The following CA12 variants were observed in gnomAD, a reference collection of about 807,000 sequenced individuals.
The protein encoded by CA12 is carbonic anhydrase 12, also known as carbonate dehydratase XII.
In CA12, 36 loss-of-function variants were observed where a neutral mutation model predicts 46.8. That is an observed-to-expected ratio of 0.77 (90% CI 0.59 to 1.02). The LOEUF (loss-of-function observed/expected upper bound fraction) is 1.02, where lower values mean the gene tolerates loss of function less well. CA12 is among the 50% of genes least tolerant of loss of function. The pLI is 0.00. For synonymous variants in CA12, 202 were observed against 187.0 expected (o/e 1.08, Z -0.65); for missense variants, 436 against 451.4 (o/e 0.97, Z 0.31).
chr15:63,330,108 G>A lies in CA12; in HGVS notation c.875-1978C>T, dbSNP rs2038917370. The stretch of plus-strand genomic sequence containing the variant: ...CCAGCTGCTCATGACCTCCCAAGTG[G>A]CAGAGTGGCTCCACTGGCCAGACTC... On this transcript the variant is annotated intron_variant, in intron 8 of 10. Coordinates refer to ENST00000178638, the MANE Select transcript of CA12 (RefSeq NM_001218.5). This position sits in a 1 kb window ranked among gnomAD's most constrained non-coding sequence, Gnocchi z 4.0. 6.6e-6 allele frequency among the ~76,000 whole-genome samples: 1 copy of A among 152,222 alleles called. No homozygotes were observed. The highest frequency in any genetic ancestry group is 1.5e-5 in the Non-Finnish European group (1 of 68,042).
At position 63,338,891 on chromosome 15, in the gene CA12, T is replaced by C. The variant is rs1396978219; in HGVS notation, c.802A>G (p.Arg268Gly). The C allele has an allele frequency of 2.5e-6, 4 of 1,614,104 alleles. No individual in the cohort carries two copies. The highest frequency in any genetic ancestry group is 3.3e-5 in the Admixed American group (2 of 60,022). The stretch of plus-strand genomic sequence containing the variant: ...TGCCGGAAGTTGTTGATCATTTCTC[T>C]GGGGGAAGGGTCGTCCATGTGTGTG... ...YCTHMDDPSP[R>G]EMINNFRQVQ... The change falls in exon 8 of 11, where the codon AGA (arginine) becomes GGA (glycine). Residue 268 changes from arginine to glycine, a missense_variant. Transcript: ENST00000178638.
At position 63,329,064 on chromosome 15, in the gene CA12, C is replaced by T. The variant is rs940247515; in HGVS notation, c.875-934G>A. On this transcript the variant is annotated intron_variant, in intron 8 of 10. Coordinates refer to ENST00000178638, the MANE Select transcript of CA12 (RefSeq NM_001218.5). The surrounding 1 kb of genome is among the most constrained non-coding windows in gnomAD (Gnocchi z 4.8). The stretch of plus-strand genomic sequence containing the variant: ...AGATGAAGAAAGGTAGGGATCAAAG[C>T]CTGCTTGGGCAGGCTCCTGTCCATG... Among the ~76,000 whole-genome samples the T allele has an allele frequency of 1.3e-5, 2 of 152,224 alleles. No individual in the cohort carries two copies. Among genetic ancestry groups the T allele is most frequent in the African/African-American group, 4.8e-5 (2 of 41,462 alleles).
chr15:63,369,267 C>A (rs1261487552), intron 2 of CA12, among the ~76,000 whole-genome samples: 3 of 152,194 alleles, frequency 2.0e-5, no homozygotes, highest in African/African-American at 7.2e-5. Flanking sequence ...AGAAGCAGAA[C>A]CCTTCCTAAC....
intron 4 of CA12, among the ~76,000 whole-genome samples, chr15:63,344,588 A>G (rs1040334382): frequency 4.6e-5 from 7 of 152,218 alleles, no homozygotes; most frequent in Non-Finnish European, 7.3e-5. Flanking sequence ...TATCCCTTCC[A>G]TGCTTGCAAG....
At chr15:63,368,900 C>G (rs1418518947) in intron 2 of CA12, among the ~76,000 whole-genome samples, 1 of 152,258 alleles carries the variant, frequency 6.6e-6, no homozygotes, top group Non-Finnish European at 1.5e-5. Context: ...GGCCTCCACT[C>G]CTGAACCCCA....
intron 2 of CA12, among the ~76,000 whole-genome samples, chr15:63,358,903 A>G (rs2039325683): frequency 6.6e-6 from 1 of 152,134 alleles, no homozygotes; most frequent in Admixed American, 6.5e-5. Flanking sequence ...CACTTCATGC[A>G]GCCCTTGACC....
intron 2 of CA12, among the ~76,000 whole-genome samples, chr15:63,369,986 A>G (rs1018152426): frequency 2.6e-5 from 4 of 152,190 alleles, no homozygotes; most frequent in Admixed American, 6.5e-5. Context: ...GCAATTCAGG[A>G]AAGATGAGAA....
In CA12 at chr15:63,341,879, G is replaced by C. The variant is rs576772145; in HGVS notation, c.525+123C>G. On this transcript the variant is annotated intron_variant, in intron 5 of 10. Coordinates refer to ENST00000178638, the MANE Select transcript of CA12 (RefSeq NM_001218.5). The surrounding 1 kb of genome is among the most constrained non-coding windows in gnomAD (Gnocchi z 5.2). The stretch of plus-strand genomic sequence containing the variant: ...CTACAGGAGGATACCCCCTGCTCTG[G>C]AGTTGACACGGAGTCGATACAGGAA... The C allele has an allele frequency of 1.4e-6, 1 of 734,192 alleles. No homozygotes were observed. Among genetic ancestry groups the C allele is most frequent in the East Asian group, 2.7e-5 (1 of 36,856 alleles). The allele number at this position is 734,192 out of a possible 1,614,324, so 45.5% of individuals were successfully genotyped here.
intron 1 of CA12, 133 bp from the exon 2 acceptor site, chr15:63,375,811 C>CTTTT: frequency 2.0e-6 from 1 of 508,348 alleles, no homozygotes; most frequent in African/African-American, 2.1e-5. Context: ...TTTTCTTTTT[C>CTTTT]TTTTTTTTTT....
In CA12 at chr15:63,372,352, G is replaced by C. The variant is rs1031042533; in HGVS notation, c.106+3306C>G. 4.6e-5 allele frequency among the ~76,000 whole-genome samples: 7 copies of C among 152,226 alleles called. No individual in the cohort carries two copies. Among genetic ancestry groups the C allele is most frequent in the Non-Finnish European group, 1.0e-4 (7 of 68,032 alleles). ...CAGCTGCTGTTTCAGCACCCTAGGA[G>C]GGGCTCAAAGAGGTGGCGCTGGCCC... On this transcript the variant is annotated intron_variant, in intron 2 of 10. Coordinates refer to ENST00000178638, the MANE Select transcript of CA12 (RefSeq NM_001218.5). The surrounding 1 kb of genome is among the most constrained non-coding windows in gnomAD (Gnocchi z 4.5).
intron 1 of CA12, among the ~76,000 whole-genome samples, chr15:63,379,806 A>G (rs2039621882): frequency 6.6e-6 from 1 of 152,216 alleles, no homozygotes; most frequent in Non-Finnish European, 1.5e-5. Context: ...TCTCCACACC[A>G]GGTTTGGGCA....
Position 63,339,402 on chromosome 15 carries a change from G to A in CA12, c.748-457C>T, listed in dbSNP as rs890159875. On this transcript the variant is annotated intron_variant, in intron 7 of 10. Transcript: ENST00000178638. This position sits in a 1 kb window ranked among gnomAD's most constrained non-coding sequence, Gnocchi z 4.3. The stretch of plus-strand genomic sequence containing the variant: ...AGAGTTTCACAGGCCATCTGATTGC[G>A]GGTTCCATGGCATTTTCATGCACCT... 6.6e-6 allele frequency among the ~76,000 whole-genome samples: 1 copy of A among 152,122 alleles called. No individual in the cohort carries two copies. Among genetic ancestry groups the A allele is most frequent in the Non-Finnish European group, 1.5e-5 (1 of 68,026 alleles).
At position 63,328,212 on chromosome 15, in the gene CA12, C is replaced by T. The variant is rs80236819; in HGVS notation, c.875-82G>A. The stretch of plus-strand genomic sequence containing the variant: ...GAGCAGCGTGTTGAGAGACGCTCTA[C>T]CATTTGTTTGGTCTTAGGCTGACAG... On this transcript the variant is annotated intron_variant, in intron 8 of 10. Transcript: ENST00000178638. This position sits in a 1 kb window ranked among gnomAD's most constrained non-coding sequence, Gnocchi z 5.9. 647 of 1,318,512 alleles carry T rather than the reference C, an allele frequency of 4.9e-4. 3 individuals carry two copies. The African/African-American group carries it at 8.4e-3, about 17-fold the overall frequency. 81.7% of individuals were successfully genotyped at this position (1,318,512 alleles called of 1,614,324 possible).
chr15:63,335,231 A>C (rs1404903037), intron 8 of CA12, among the ~76,000 whole-genome samples: 1 of 152,122 alleles, frequency 6.6e-6, no homozygotes, highest in Non-Finnish European at 1.5e-5. Flanking sequence ...TATCCTGCCT[A>C]AGTTGTCAGT....
chr15:63,339,067 C>T lies in CA12; in HGVS notation c.748-122G>A, dbSNP rs1345330438. 2.4e-5 allele frequency: 29 copies of T among 1,229,132 alleles called. No homozygotes were observed. Among genetic ancestry groups the T allele is most frequent in the East Asian group, 7.6e-5 (3 of 39,710 alleles). 76.1% of individuals were successfully genotyped at this position (1,229,132 alleles called of 1,614,324 possible). Reference sequence around the variant, plus strand: ...CCTCTGGAACCAGCTTCTGTGGGGCCGGGTGGGAGATATTAGAAAGCAGAG... The same window carrying T: ...CCTCTGGAACCAGCTTCTGTGGGGCTGGGTGGGAGATATTAGAAAGCAGAG... On this transcript the variant is annotated intron_variant, in intron 7 of 10. Coordinates refer to ENST00000178638, the MANE Select transcript of CA12 (RefSeq NM_001218.5). This position sits in a 1 kb window ranked among gnomAD's most constrained non-coding sequence, Gnocchi z 4.3.
In CA12 at chr15:63,328,464, T is replaced by TA. The variant is rs2038897069; in HGVS notation, c.875-335dup. On this transcript the variant is annotated intron_variant, in intron 8 of 10. Coordinates refer to ENST00000178638, the MANE Select transcript of CA12 (RefSeq NM_001218.5). The surrounding 1 kb of genome is among the most constrained non-coding windows in gnomAD (Gnocchi z 5.9). Reference sequence around the variant, plus strand: ...CAATTCTCTGCCTCAGTCTCCCAAGTAGCTGGGATTACAAGCACCTGCCAC... The same window carrying TA: ...CAATTCTCTGCCTCAGTCTCCCAAGTAAGCTGGGATTACAAGCACCTGCCAC... Among the ~76,000 whole-genome samples the TA allele has an allele frequency of 6.6e-6, 1 of 150,896 alleles. No individual in the cohort carries two copies. The highest frequency in any genetic ancestry group is 2.4e-5 in the African/African-American group (1 of 40,928).
rs2038876496 is a variant in CA12 at position 63,327,069 on chromosome 15, C to T, written c.992+80G>A. ...TCCAGGTGACTGCGGCTCTTCATGC[C>T]ACAAAGCTGCCTTCCCAGGCAGACT... On this transcript the variant is annotated intron_variant, in intron 10 of 10. Transcript: ENST00000178638. The surrounding 1 kb of genome is among the most constrained non-coding windows in gnomAD (Gnocchi z 4.5). 1 of 1,337,700 alleles carries T rather than the reference C, an allele frequency of 7.5e-7. No individual in the cohort carries two copies. Among genetic ancestry groups the T allele is most frequent in the South Asian group, 1.2e-5 (1 of 83,340 alleles). The allele number at this position is 1,337,700 out of a possible 1,614,324, so 82.9% of individuals were successfully genotyped here.
At chr15:63,334,747 C>T (rs2038978135) in intron 8 of CA12, among the ~76,000 whole-genome samples, 1 of 152,140 alleles carries the variant, frequency 6.6e-6, no homozygotes, top group African/African-American at 2.4e-5. Context: ...CATCTGCACC[C>T]CTGATAAAGG....
chr15:63,340,021 C>T lies in CA12; in HGVS notation c.747+267G>A, dbSNP rs1417536403. The T allele has an allele frequency of 4.2e-6, 2 of 470,606 alleles. No individual in the cohort carries two copies. Among genetic ancestry groups the T allele is most frequent in the African/African-American group, 3.9e-5 (2 of 50,740 alleles). The allele number at this position is 470,606 out of a possible 1,614,324, so 29.2% of individuals were successfully genotyped here. On this transcript the variant is annotated intron_variant, in intron 7 of 10. Coordinates refer to ENST00000178638, the MANE Select transcript of CA12 (RefSeq NM_001218.5). The surrounding 1 kb of genome is among the most constrained non-coding windows in gnomAD (Gnocchi z 4.4). ...TGCCTGGGAAGTGAATACCACCCAG[C>T]CACTGAGGATATATTAGCAAATGCA...
Sources: gnomAD v4.1 joint callset for allele counts (sites outside exome capture counted in the v4.1 genomes callset) on GRCh38, gnomAD v4.1.1 for gene constraint, Gnocchi (gnomAD v3.1) non-coding constraint, MANE v1.5 for transcripts, NCBI Gene and HGNC (gene_info 2026-07-23, HGNC 2026-07-21) for gene names.